Variants in KCNH1 observed in about 807,000 individuals in gnomAD.
KCNH1 encodes the protein voltage-gated delayed rectifier potassium channel KCNH1.
KCNH1 carries 27 observed loss-of-function variants against 69.2 expected under a neutral mutation model. The ratio of observed to expected loss-of-function variants is 0.39; its 90% CI spans 0.29 to 0.54. KCNH1 has a LOEUF of 0.54. Ranked by LOEUF, KCNH1 falls within the 20% of genes least tolerant of loss-of-function variation. The probability of loss-of-function intolerance (pLI) is 0.68; values close to 1 mark genes in which losing one functional copy is unlikely to be tolerated. For missense variants in KCNH1, 798 were observed against 1,261.6 expected, an observed-to-expected ratio of 0.63 and a Z score of 5.57; for synonymous variants, 456 against 487.7, an observed-to-expected ratio of 0.93 and a Z score of 0.86.
At chr1:211,072,903 A>T (rs1460356589) in intron 5 of KCNH1, among the ~76,000 whole-genome samples, 1 of 152,240 alleles carries the variant, frequency 6.6e-6, no homozygotes, top group Non-Finnish European at 1.5e-5. Flanking sequence ...TTTAAACTTC[A>T]GTGGTCTAAA....
intron 1 of KCNH1, among the ~76,000 whole-genome samples, chr1:211,109,798 T>A (rs541895965): frequency 6.6e-6 from 1 of 151,206 alleles, no homozygotes; most frequent in Non-Finnish European, 1.5e-5. Context: ...AGCAATATTA[T>A]AGGAAACAGA....
At chr1:211,002,720 G>C (rs1369703329) in intron 6 of KCNH1, among the ~76,000 whole-genome samples, 1 of 152,114 alleles carries the variant, frequency 6.6e-6, no homozygotes, top group Non-Finnish European at 1.5e-5. Flanking sequence ...TAGCCAAACT[G>C]AAGAGTATCA....
intron 6 of KCNH1, among the ~76,000 whole-genome samples, chr1:210,923,839 A>G (rs1285964663): frequency 6.6e-6 from 1 of 152,212 alleles, no homozygotes; most frequent in East Asian, 1.9e-4. Context: ...TGTGTTGAAC[A>G]ATGTCCCCAC....
At chr1:210,827,161 C>T (rs941400197) in intron 7 of KCNH1, among the ~76,000 whole-genome samples, 2 of 152,104 alleles carry the variant, frequency 1.3e-5, no homozygotes, top group Non-Finnish European at 2.9e-5. Flanking sequence ...CACAGTGAAA[C>T]CCCATCTCTA....
chr1:210,722,196 T>C (rs951433336), intron 10 of KCNH1, among the ~76,000 whole-genome samples: 1 of 152,138 alleles, frequency 6.6e-6, no homozygotes, highest in African/African-American at 2.4e-5. Flanking sequence ...ATTCTATGAA[T>C]AGGGATAAGA....
At chr1:211,022,508 A>G (rs1023684090) in intron 5 of KCNH1, among the ~76,000 whole-genome samples, 2 of 152,232 alleles carry the variant, frequency 1.3e-5, no homozygotes, top group African/African-American at 4.8e-5. Context: ...TCTGCACAGC[A>G]AAGTAAACAA....
chr1:210,840,132 A>T (rs6540628), intron 7 of KCNH1, among the ~76,000 whole-genome samples: 1,530 of 152,320 alleles, frequency 0.01, 30 homozygotes, highest in African/African-American at 0.035. Flanking sequence ...ATGTCTCTCA[A>T]CCACAGCATT....
intron 7 of KCNH1, among the ~76,000 whole-genome samples, chr1:210,854,123 A>T (rs1685776087): frequency 6.6e-6 from 1 of 152,152 alleles, no homozygotes. Context: ...TCAGCAAATG[A>T]TCAATTTAGA....
chr1:210,990,055 C>G (rs1348281866), intron 6 of KCNH1, among the ~76,000 whole-genome samples: 1 of 152,144 alleles, frequency 6.6e-6, no homozygotes, highest in African/African-American at 2.4e-5. Context: ...TCTTGCTGAC[C>G]CTTCAGGGTA....
chr1:210,929,040 A>C (rs1239716839), intron 6 of KCNH1, among the ~76,000 whole-genome samples: 1 of 152,126 alleles, frequency 6.6e-6, no homozygotes, highest in Non-Finnish European at 1.5e-5. Flanking sequence ...TAATTTAAAA[A>C]TTTCTGACAA....
At chr1:210,747,704 A>G (rs1683192622) in intron 10 of KCNH1, among the ~76,000 whole-genome samples, 3 of 151,758 alleles carry the variant, frequency 2.0e-5, no homozygotes, top group Non-Finnish European at 4.4e-5. Flanking sequence ...TAAAGTAGGC[A>G]TGCTTGAATG....
chr1:211,001,579 G>C (rs1302491028), intron 6 of KCNH1, among the ~76,000 whole-genome samples: 1 of 152,154 alleles, frequency 6.6e-6, no homozygotes, highest in Non-Finnish European at 1.5e-5. Context: ...CTGTAAACTA[G>C]TTCAACCATT....
chr1:211,056,351 G>T (rs763526988), intron 5 of KCNH1, among the ~76,000 whole-genome samples: 1 of 152,180 alleles, frequency 6.6e-6, no homozygotes, highest in Non-Finnish European at 1.5e-5. Context: ...CTCATGGCTT[G>T]GGTGCCAGGT....
intron 5 of KCNH1, among the ~76,000 whole-genome samples, chr1:211,082,263 G>T (rs556036026): frequency 6.6e-6 from 1 of 152,184 alleles, no homozygotes; most frequent in African/African-American, 2.4e-5. Context: ...TCCTAGATGT[G>T]TCTGAATTTC....
At chr1:210,851,238 G>A (rs1003660808) in intron 7 of KCNH1, among the ~76,000 whole-genome samples, 14 of 152,234 alleles carry the variant, frequency 9.2e-5, no homozygotes, top group African/African-American at 3.4e-4. Context: ...ACATGTTGTT[G>A]TCTCCCTCAA....
chr1:210,987,133 A>G (rs1229959363), intron 6 of KCNH1, among the ~76,000 whole-genome samples: 1 of 152,192 alleles, frequency 6.6e-6, no homozygotes, highest in East Asian at 1.9e-4. Flanking sequence ...TTTCAGCTCC[A>G]TCAGGTCCTT....
At chr1:210,976,058 C>A (rs1401074333) in intron 6 of KCNH1, among the ~76,000 whole-genome samples, 2 of 152,238 alleles carry the variant, frequency 1.3e-5, no homozygotes, top group Non-Finnish European at 2.9e-5. Context: ...GAGATACCAT[C>A]TCACACCAGT....
intron 6 of KCNH1, among the ~76,000 whole-genome samples, chr1:210,957,494 G>A (rs573338867): frequency 6.6e-6 from 1 of 152,202 alleles, no homozygotes; most frequent in South Asian, 2.1e-4. Flanking sequence ...TCCTTGATTT[G>A]TCTAATATTG....
At chr1:210,861,444 C>T in intron 7 of KCNH1, 6 of 776,426 alleles carry the variant, frequency 7.7e-6, no homozygotes, top group East Asian at 2.4e-5. Context: ...GAAACACTGC[C>T]AGAGCTTCCA....
Sources: gnomAD v4.1 joint callset for allele counts (sites outside exome capture counted in the v4.1 genomes callset) on GRCh38, gnomAD v4.1.1 for gene constraint, MANE v1.5 for transcripts, NCBI Gene and HGNC (gene_info 2026-07-23, HGNC 2026-07-21) for gene names.